The following S100A16 variants were observed in gnomAD, a reference collection of about 807,000 sequenced individuals.
The protein encoded by S100A16 is protein S100-A16.
A neutral mutation model predicts 9.0 loss-of-function variants in S100A16; 8 were observed. The ratio of observed to expected loss-of-function variants is 0.89; its 90% confidence interval spans 0.52 to 1.60. The LOEUF (loss-of-function observed/expected upper bound fraction) is 1.60. Among genes scored for constraint, S100A16 ranks in the 40% most tolerant of loss-of-function variants. S100A16 has a pLI of 0.00. For synonymous variants in S100A16, 51 were observed against 51.4 expected (o/e 0.99, Z 0.04); for missense variants, 138 against 132.4 (o/e 1.04, Z -0.21).
chr1:153,608,423 C>A, intron 1 of S100A16: 1 of 449,388 alleles, frequency 2.2e-6, no homozygotes, highest in Non-Finnish European at 4.0e-6. Flanking sequence ...GGCCCTGCCC[C>A]AGCCCCAGGC....
At chr1:153,609,756 G>A (rs1212423276) in intron 1 of S100A16, among the ~76,000 whole-genome samples, 11 of 152,180 alleles carry the variant, frequency 7.2e-5, no homozygotes, top group Admixed American at 7.2e-4. Context: ...CCTCCTTCCA[G>A]CCCTGATAAC....
intron 1 of S100A16, chr1:153,609,114 A>T (rs1302376496): frequency 1.0e-6 from 1 of 985,484 alleles, no homozygotes; most frequent in African/African-American, 1.7e-5. Flanking sequence ...CCCCACATCA[A>T]CCCCAGGCAA....
At chr1:153,611,192 C>T (rs1478219575) in intron 1 of S100A16, among the ~76,000 whole-genome samples, 3 of 134,988 alleles carry the variant, frequency 2.2e-5, no homozygotes, top group Admixed American at 1.6e-4. Flanking sequence ...GCCCAAATTG[C>T]CCTGACTCCA....
intron 1 of S100A16, among the ~76,000 whole-genome samples, chr1:153,612,226 G>T (rs922851566): frequency 6.6e-6 from 1 of 152,098 alleles, no homozygotes; most frequent in Non-Finnish European, 1.5e-5. Flanking sequence ...GCAGGGGAAG[G>T]CTCCCATAGT....
intron 1 of S100A16, chr1:153,608,981 T>G: frequency 1.0e-6 from 1 of 985,702 alleles, no homozygotes; most frequent in South Asian, 4.7e-5. Flanking sequence ...GGCACATGCG[T>G]CACCCTCTCA....
In S100A16 at chr1:153,608,167, GCTGGCGGGGC is replaced by G; in HGVS notation, c.-26_-17del. The G allele has an allele frequency of 8.7e-6, 14 of 1,612,198 alleles. No homozygotes were observed. In the South Asian group the frequency reaches 1.3e-4, roughly 15 times the overall value. Reference sequence around the variant, plus strand: ...AGTCTGACATCTCCCTGCTTCGCCTGCTGGCGGGGCCTGGACACCAGGAGGAGGGGAGATG... The same window carrying G: ...AGTCTGACATCTCCCTGCTTCGCCTGCTGGACACCAGGAGGAGGGGAGATG... On this transcript the variant is annotated splice_region_variant and 5_prime_UTR_variant, in exon 2 of 3. Coordinates refer to ENST00000368706, the MANE Select transcript of S100A16 (RefSeq NM_080388.3).
Position 153,607,192 on chromosome 1 carries a change from C to T in S100A16, c.*342G>A, listed in dbSNP as rs975780729. On this transcript the variant is annotated 3_prime_UTR_variant, in exon 3 of 3. Coordinates refer to ENST00000368706, the MANE Select transcript of S100A16 (RefSeq NM_080388.3). ...CCAAGCTGACCTTTGGAGGTCAGGA[C>T]GGACCCAGAATCAGGCAGGAATTTG... The T allele has an allele frequency of 4.4e-5, 19 of 427,122 alleles. No individual in the cohort carries two copies. Among genetic ancestry groups the T allele is most frequent in the Non-Finnish European group, 7.2e-5 (16 of 222,918 alleles). 26.5% of individuals were successfully genotyped at this position (427,122 alleles called of 1,614,324 possible).
At chr1:153,611,277 C>A (rs1473777935) in intron 1 of S100A16, among the ~76,000 whole-genome samples, 1 of 145,872 alleles carries the variant, frequency 6.9e-6, no homozygotes, top group African/African-American at 2.5e-5. Flanking sequence ...CCAAATGCCT[C>A]CTAACCACCC....
At position 153,607,092 on chromosome 1, in the gene S100A16, TCTC is replaced by T. The variant is rs1666704875; in HGVS notation, c.*439_*441del. 3 of 440,582 alleles carry T rather than the reference TCTC, an allele frequency of 6.8e-6. No individual in the cohort carries two copies. The highest frequency in any genetic ancestry group is 4.1e-5 in the African/African-American group (2 of 48,982). 27.3% of individuals were successfully genotyped at this position (440,582 alleles called of 1,614,324 possible). On this transcript the variant is annotated 3_prime_UTR_variant, in exon 3 of 3. Transcript: ENST00000368706. The stretch of plus-strand genomic sequence containing the variant: ...GAGGGGCTAAGGGAAAGTGGAGAGG[TCTC>T]TGCTGCTGCTGCTGCTGCTGCTGCT...
Position 153,607,079 on chromosome 1 carries a change from G to T in S100A16, c.*455C>A. 1 of 427,280 alleles carries T rather than the reference G, an allele frequency of 2.3e-6. No homozygotes were observed. The highest frequency in any genetic ancestry group is 4.7e-6 in the Non-Finnish European group (1 of 213,888). The allele number at this position is 427,280 out of a possible 1,614,324, so 26.5% of individuals were successfully genotyped here. ...TCTCTACCCAGCAGAGGGGCTAAGG[G>T]AAAGTGGAGAGGTCTCTGCTGCTGC... On this transcript the variant is annotated 3_prime_UTR_variant, in exon 3 of 3. Coordinates refer to ENST00000368706, the MANE Select transcript of S100A16 (RefSeq NM_080388.3).
At chr1:153,607,765 A>T in intron 2 of S100A16, 73 bp from the exon 3 acceptor site, 1 of 1,574,162 alleles carries the variant, frequency 6.4e-7, no homozygotes, top group Non-Finnish European at 8.7e-7. Context: ...CCCTAGGCAG[A>T]GACCCAGGAT....
intron 1 of S100A16, chr1:153,608,423 C>T: frequency 4.5e-6 from 2 of 449,388 alleles, no homozygotes; most frequent in Non-Finnish European, 4.0e-6. Flanking sequence ...GGCCCTGCCC[C>T]AGCCCCAGGC....
rs968808144 is a variant in S100A16, at chr1:153,608,862, G to C, written c.-26-685C>G. On this transcript the variant is annotated intron_variant, in intron 1 of 2. Coordinates refer to ENST00000368706, the MANE Select transcript of S100A16 (RefSeq NM_080388.3). The stretch of plus-strand genomic sequence containing the variant: ...CCTTATTCCCATCCCTAAATACACA[G>C]CAGGACCCAAGAACACCCCCACCCA... The C allele has an allele frequency of 7.4e-6, 7 of 940,392 alleles. No homozygotes were observed. The African/African-American group carries it at 1.2e-4, about 17-fold the overall frequency. The allele number at this position is 940,392 out of a possible 1,614,324, so 58.3% of individuals were successfully genotyped here.
In S100A16 at chr1:153,607,886, C is replaced by T. The variant is rs1666732285; in HGVS notation, c.153+113G>A. The T allele has an allele frequency of 9.7e-6, 12 of 1,243,306 alleles. No individual in the cohort carries two copies. The Admixed American group carries it at 9.9e-5, about 10-fold the overall frequency. The allele number at this position is 1,243,306 out of a possible 1,614,324, so 77.0% of individuals were successfully genotyped here. A position where few individuals can be genotyped will look rare whatever the true frequency, so the allele number is the denominator to read the frequency against. ...GGGGTGTAGAAGACCCTGGAGTTAG[C>T]GGGGACACTGGAAGGATAGAGGCCT... On this transcript the variant is annotated intron_variant, in intron 2 of 2. Coordinates refer to ENST00000368706, the MANE Select transcript of S100A16 (RefSeq NM_080388.3).
chr1:153,610,913 C>T (rs867204897), intron 1 of S100A16, among the ~76,000 whole-genome samples: 3 of 152,016 alleles, frequency 2.0e-5, no homozygotes, highest in South Asian at 2.1e-4. Flanking sequence ...TCCCATCAGC[C>T]GCTTCCTAGA....
intron 1 of S100A16, among the ~76,000 whole-genome samples, chr1:153,610,032 A>G (rs1454920011): frequency 6.6e-6 from 1 of 152,142 alleles, no homozygotes; most frequent in South Asian, 2.1e-4. Flanking sequence ...TCTTTTATTT[A>G]AGTGTGTAAC....
intron 1 of S100A16, chr1:153,609,413 C>T (rs552396989): frequency 2.7e-5 from 26 of 968,680 alleles, no homozygotes; most frequent in East Asian, 1.1e-4. Flanking sequence ...GCCACGCCTC[C>T]GAAGGAAGCC....
chr1:153,610,487 C>T (rs1666809395), intron 1 of S100A16, among the ~76,000 whole-genome samples: 1 of 152,174 alleles, frequency 6.6e-6, no homozygotes, highest in African/African-American at 2.4e-5. Flanking sequence ...TACCATGACT[C>T]AACCCCTGCT....
chr1:153,607,784 C>T, intron 2 of S100A16, 92 bp from the exon 3 acceptor site: 3 of 1,490,292 alleles, frequency 2.0e-6, no homozygotes, highest in South Asian at 2.4e-5. Flanking sequence ...ATCTGGCCTG[C>T]ACAGCTGCTT....
Sources: gnomAD v4.1 joint callset for allele counts (sites outside exome capture counted in the v4.1 genomes callset) on GRCh38, gnomAD v4.1.1 for gene constraint, MANE v1.5 for transcripts, NCBI Gene and HGNC (gene_info 2026-07-23, HGNC 2026-07-21) for gene names.